The following RALYL variants were observed in gnomAD, a reference collection of about 807,000 sequenced individuals.
RALYL encodes RNA-binding Raly-like protein.
Under a neutral mutation model 35.1 loss-of-function variants are expected in RALYL, and 29 were observed. That is an observed-to-expected ratio of 0.83 (90% CI 0.61 to 1.13). RALYL has a LOEUF of 1.13. Ranked by LOEUF, RALYL falls within the 50% of genes most tolerant of loss-of-function variation. RALYL has a pLI of 0.00. For synonymous variants in RALYL, 120 were observed against 127.6 expected, an observed-to-expected ratio of 0.94 and a Z score of 0.40; for missense variants, 359 against 360.4, an observed-to-expected ratio of 1.00 and a Z score of 0.03.
intron 2 of RALYL, among the ~76,000 whole-genome samples, chr8:84,683,052 C>CA (rs1835938746): frequency 6.6e-6 from 1 of 152,176 alleles, no homozygotes; most frequent in African/African-American, 2.4e-5. Flanking sequence ...TCTCTGTTCT[C>CA]ATTGATTTCA....
chr8:84,452,669 A>G (rs1660889799), intron 1 of RALYL, among the ~76,000 whole-genome samples: 1 of 151,964 alleles, frequency 6.6e-6, no homozygotes, highest in African/African-American at 2.4e-5. Flanking sequence ...TTAAAGAGTT[A>G]AGGAAATGTT....
intron 2 of RALYL, among the ~76,000 whole-genome samples, chr8:84,730,079 C>T (rs916919584): frequency 7.9e-5 from 12 of 151,882 alleles, no homozygotes; most frequent in Non-Finnish European, 1.5e-4. Context: ...GAGACACAAC[C>T]AAAAAAGAGA....
chr8:84,788,090 G>C (rs1819959553), intron 3 of RALYL, among the ~76,000 whole-genome samples: 1 of 152,120 alleles, frequency 6.6e-6, no homozygotes, highest in Non-Finnish European at 1.5e-5. Context: ...TGCAGTCTTT[G>C]CCCATGTCTA....
chr8:84,705,836 G>C (rs1841106814), intron 2 of RALYL: 2 of 1,198,724 alleles, frequency 1.7e-6, no homozygotes, highest in African/African-American at 1.6e-5. Context: ...ACATTAAACA[G>C]AGTAGTTACA....
At chr8:84,472,539 C>G (rs1037649515) in intron 1 of RALYL, among the ~76,000 whole-genome samples, 1 of 152,044 alleles carries the variant, frequency 6.6e-6, no homozygotes, top group Non-Finnish European at 1.5e-5. Flanking sequence ...AGAAACTAGT[C>G]CATTTCACTG....
chr8:84,572,623 C>A (rs1808286852), intron 2 of RALYL, among the ~76,000 whole-genome samples: 1 of 151,756 alleles, frequency 6.6e-6, no homozygotes, highest in Admixed American at 6.6e-5. Flanking sequence ...CTTCTATTTA[C>A]AATAACAAAT....
chr8:84,813,354 C>G (rs1157833557), intron 4 of RALYL, among the ~76,000 whole-genome samples: 1 of 152,176 alleles, frequency 6.6e-6, no homozygotes, highest in African/African-American at 2.4e-5. Context: ...TGCAGTTGAT[C>G]TGGAGCTAAA....
intron 2 of RALYL, among the ~76,000 whole-genome samples, chr8:84,664,458 C>A (rs1372359420): frequency 1.3e-5 from 2 of 151,866 alleles, no homozygotes; most frequent in African/African-American, 2.4e-5. Flanking sequence ...TTCTTCCTAT[C>A]CATGAGCATG....
chr8:84,519,544 C>T (rs1375094137), intron 1 of RALYL, among the ~76,000 whole-genome samples: 6 of 152,144 alleles, frequency 3.9e-5, no homozygotes, highest in African/African-American at 1.4e-4. Flanking sequence ...GAAACCCTTC[C>T]CTCACTGCTG....
chr8:84,277,747 A>G (rs896711350), intron 1 of RALYL, among the ~76,000 whole-genome samples: 1 of 152,250 alleles, frequency 6.6e-6, no homozygotes, highest in East Asian at 1.9e-4. Flanking sequence ...CCAGCAGGGC[A>G]ATCAAATCTT....
intron 7 of RALYL, among the ~76,000 whole-genome samples, chr8:84,884,920 G>A (rs559228708): frequency 6.6e-6 from 1 of 152,228 alleles, no homozygotes; most frequent in Admixed American, 6.6e-5. Flanking sequence ...TTTAGATGAT[G>A]TGTACAAAAA....
At chr8:84,555,047 A>G (rs554950492) in intron 2 of RALYL, among the ~76,000 whole-genome samples, 10 of 152,154 alleles carry the variant, frequency 6.6e-5, no homozygotes, top group Middle Eastern at 3.4e-3. Flanking sequence ...TTGGGAGGCT[A>G]AGGCGGGCAG....
At chr8:84,189,678 T>TG (rs1265288246) in intron 1 of RALYL, among the ~76,000 whole-genome samples, 3 of 152,094 alleles carry the variant, frequency 2.0e-5, no homozygotes, top group Non-Finnish European at 4.4e-5. Context: ...ACTCATGTTT[T>TG]TTTTTTTTTT....
At chr8:84,640,224 T>C (rs973258678) in intron 2 of RALYL, among the ~76,000 whole-genome samples, 5 of 151,636 alleles carry the variant, frequency 3.3e-5, no homozygotes, top group Non-Finnish European at 5.9e-5. Context: ...ATACAGGAGG[T>C]TACATAGATG....
At chr8:84,581,464 T>G (rs1348406523) in intron 2 of RALYL, among the ~76,000 whole-genome samples, 2 of 152,200 alleles carry the variant, frequency 1.3e-5, no homozygotes, top group African/African-American at 4.8e-5. Context: ...AATGCCACCT[T>G]ATTACACACA....
intron 1 of RALYL, among the ~76,000 whole-genome samples, chr8:84,304,549 A>G (rs914318138): frequency 6.6e-6 from 1 of 152,202 alleles, no homozygotes; most frequent in African/African-American, 2.4e-5. Flanking sequence ...AAACACTAGC[A>G]CTTTTACATC....
intron 2 of RALYL, among the ~76,000 whole-genome samples, chr8:84,696,299 G>T (rs1006806393): frequency 5.9e-5 from 9 of 151,298 alleles, no homozygotes; most frequent in African/African-American, 1.9e-4. Context: ...AGCTATTTAT[G>T]CTACTGAAAA....
chr8:84,631,726 T>C (rs888719898), intron 2 of RALYL, among the ~76,000 whole-genome samples: 12 of 151,900 alleles, frequency 7.9e-5, no homozygotes, highest in Non-Finnish European at 1.8e-4. Flanking sequence ...AGAAAGTCAG[T>C]AGTAGAAACT....
chr8:84,376,284 A>T (rs1207557120), intron 1 of RALYL, among the ~76,000 whole-genome samples: 1 of 151,938 alleles, frequency 6.6e-6, no homozygotes, highest in Non-Finnish European at 1.5e-5. Context: ...GTGCTTGACC[A>T]GTAAAATTTG....
Sources: allele counts gnomAD v4.1 joint callset (sites outside exome capture counted in the v4.1 genomes callset), GRCh38; gene constraint gnomAD v4.1.1; transcripts MANE v1.5; gene names NCBI Gene and HGNC (gene_info 2026-07-23, HGNC 2026-07-21).